TRNAU1AP: variants seen among roughly 807,000 people sequenced by gnomAD.
The protein encoded by TRNAU1AP is tRNA selenocysteine 1-associated protein 1.
Under a neutral mutation model 43.3 loss-of-function variants are expected in TRNAU1AP, and 33 were observed. The ratio of observed to expected loss-of-function variants is 0.76; its 90% CI spans 0.58 to 1.02. The LOEUF (loss-of-function observed/expected upper bound fraction) is 1.02, where lower values mean the gene tolerates loss of function less well. Among genes scored for constraint, TRNAU1AP ranks in the 50% least tolerant of loss-of-function variants. The pLI, the probability that TRNAU1AP is intolerant of heterozygous loss-of-function variation, is 0.00. For synonymous variants in TRNAU1AP, 143 were observed against 129.1 expected, an observed-to-expected ratio of 1.11 and a Z score of -0.73; for missense variants, 290 against 362.7, an observed-to-expected ratio of 0.80 and a Z score of 1.63.
At chr1:28,574,483 G>T (rs1323196316) in intron 8 of TRNAU1AP, 1 of 152,186 alleles carries the variant, frequency 6.6e-6, no homozygotes, top group Non-Finnish European at 1.5e-5. Flanking sequence ...ACTTGGGGGA[G>T]GCTGAGGCAG....
Position 28,564,825 on chromosome 1 carries a change from G to T in TRNAU1AP, c.401G>T (p.Gly134Val). 1 of 1,614,054 alleles carries T rather than the reference G, an allele frequency of 6.2e-7. No individual in the cohort carries two copies. Among genetic ancestry groups the T allele is most frequent in the Non-Finnish European group, 8.5e-7 (1 of 1,179,992 alleles). ...GGCAAGGTGGTTTTGGACCAGACAG[G>T]CGTGTCTAAGTAAGGCCTTACTTGT... is the stretch of plus-strand genomic sequence containing the variant. The part of the protein sequence containing the change: ...RGGKVVLDQT[G>V]VSKGYGFVKF... The change falls in exon 5 of 9, where the codon GGC (glycine) becomes GTC (valine). Residue 134 changes from glycine (G) to valine (V), a missense_variant. Gly to Val is a moderately radical substitution (Grantham distance 109). Coordinates refer to ENST00000373830, the MANE Select transcript of TRNAU1AP (RefSeq NM_017846.5).
chr1:28,573,933 G>A (rs898910029), intron 8 of TRNAU1AP, among the ~76,000 whole-genome samples: 7 of 150,652 alleles, frequency 4.6e-5, no homozygotes, highest in Middle Eastern at 3.2e-3. Flanking sequence ...GTGAAACTCC[G>A]TCTCAAAAAA....
At chr1:28,553,851 T>C (rs777688421) in intron 2 of TRNAU1AP, 114 bp downstream of exon 2, 148 of 937,542 alleles carry the variant, frequency 1.6e-4, no homozygotes, top group Non-Finnish European at 2.4e-4. Context: ...ACTGTAAAAT[T>C]ATAACAGCTA....
chr1:28,562,899 T>G (rs923687958), intron 4 of TRNAU1AP, among the ~76,000 whole-genome samples: 1 of 139,750 alleles, frequency 7.2e-6, no homozygotes, highest in African/African-American at 2.6e-5. Flanking sequence ...TGTGTATTCT[T>G]TTTTTTTTTT....
At chr1:28,569,120 T>C (rs1319365854) in intron 6 of TRNAU1AP, among the ~76,000 whole-genome samples, 1 of 152,046 alleles carries the variant, frequency 6.6e-6, no homozygotes, top group Non-Finnish European at 1.5e-5. Context: ...CAAATAGCCA[T>C]GTTTTTGAAA....
chr1:28,567,221 A>G, intron 5 of TRNAU1AP, 73 bp from the exon 6 acceptor site: 1 of 1,528,132 alleles, frequency 6.5e-7, no homozygotes. Context: ...TCTTATCCTT[A>G]CTTCTTTTTC....
At chr1:28,568,095 C>T (rs1199190447) in intron 6 of TRNAU1AP, among the ~76,000 whole-genome samples, 1 of 152,184 alleles carries the variant, frequency 6.6e-6, no homozygotes, top group South Asian at 2.1e-4. Flanking sequence ...ACCTGGGTGG[C>T]GGAGGTTGCA....
chr1:28,553,430 G>A (rs1285215383), intron 1 of TRNAU1AP: 1 of 622,296 alleles, frequency 1.6e-6, no homozygotes, highest in Non-Finnish European at 2.9e-6. Flanking sequence ...CCGGAGGAGT[G>A]GGGTTTCTAG....
intron 2 of TRNAU1AP, among the ~76,000 whole-genome samples, chr1:28,559,501 G>A (rs1188010365): frequency 6.6e-6 from 1 of 151,888 alleles, no homozygotes; most frequent in Non-Finnish European, 1.5e-5. Flanking sequence ...GGTGGCGCAT[G>A]CCTGTAATTC....
Position 28,577,488 on chromosome 1 carries a change from C to A in TRNAU1AP, c.728-12C>A. 4 of 1,613,120 alleles carry A rather than the reference C, an allele frequency of 2.5e-6. No homozygotes were observed. Among genetic ancestry groups the A allele is most frequent in the Non-Finnish European group, 3.4e-6 (4 of 1,179,484 alleles). On this transcript the variant is annotated splice_polypyrimidine_tract_variant and intron_variant, in intron 8 of 8. Coordinates refer to ENST00000373830, the MANE Select transcript of TRNAU1AP (RefSeq NM_017846.5). ...CTAGACTTCCCTGACCCCATCCTTG[C>A]TTGCTTTCCAGACCCCATGCCACAG...
At chr1:28,576,930 G>T (rs976639585) in intron 8 of TRNAU1AP, among the ~76,000 whole-genome samples, 1 of 152,180 alleles carries the variant, frequency 6.6e-6, no homozygotes, top group Non-Finnish European at 1.5e-5. Flanking sequence ...ACCAGGGACA[G>T]GGACTCATGC....
intron 2 of TRNAU1AP, among the ~76,000 whole-genome samples, chr1:28,559,989 A>G (rs764138868): frequency 6.6e-6 from 1 of 151,822 alleles, no homozygotes; most frequent in Non-Finnish European, 1.5e-5. Context: ...AAAATTAGCC[A>G]GGCATGGTGG....
chr1:28,555,046 T>C (rs1665228195), intron 2 of TRNAU1AP, among the ~76,000 whole-genome samples: 1 of 151,734 alleles, frequency 6.6e-6, no homozygotes, highest in East Asian at 1.9e-4. Context: ...GAGACCAGCC[T>C]GACCAACATG....
chr1:28,567,440 A>G (rs776780738), intron 6 of TRNAU1AP, 27 bp downstream of exon 6: 2 of 1,571,902 alleles, frequency 1.3e-6, no homozygotes, highest in Non-Finnish European at 1.7e-6. Context: ...AGGTAGAGAG[A>G]CTCTAGACTC....
Position 28,577,813 on chromosome 1 carries a change from C to G in TRNAU1AP, c.*177C>G. The G allele has an allele frequency of 1.5e-6, 1 of 678,894 alleles. No homozygotes were observed. The highest frequency in any genetic ancestry group is 2.4e-6 in the Non-Finnish European group (1 of 419,438). 42.1% of individuals were successfully genotyped at this position (678,894 alleles called of 1,614,324 possible). A position where few individuals can be genotyped will look rare whatever the true frequency, so the allele number is the denominator to read the frequency against. On this transcript the variant is annotated 3_prime_UTR_variant, in exon 9 of 9. Coordinates refer to ENST00000373830, the MANE Select transcript of TRNAU1AP (RefSeq NM_017846.5). The stretch of plus-strand genomic sequence containing the variant: ...CATTTGACCATTTGAGTTTGAAGAC[C>G]AAGGGAACAACTTTTAAACAAGGTT...
intron 8 of TRNAU1AP, 35 bp from the exon 9 acceptor site, chr1:28,577,465 A>G (rs200818272): frequency 2.5e-6 from 4 of 1,609,738 alleles, no homozygotes; most frequent in Non-Finnish European, 3.4e-6. Flanking sequence ...AGCTGTCCCT[A>G]GACTTCCCTG....
intron 2 of TRNAU1AP, among the ~76,000 whole-genome samples, chr1:28,556,009 AC>A (rs368532197): frequency 6.7e-4 from 102 of 151,998 alleles, no homozygotes; most frequent in African/African-American, 2.1e-3. Context: ...GCCCGCCACC[AC>A]GCCAGGCTAA....
At chr1:28,555,999 G>A (rs1200622704) in intron 2 of TRNAU1AP, among the ~76,000 whole-genome samples, 8 of 152,020 alleles carry the variant, frequency 5.3e-5, no homozygotes, top group African/African-American at 1.2e-4. Flanking sequence ...GACTACAGGC[G>A]CCCGCCACCA....
chr1:28,576,801 G>T (rs1665795147), intron 8 of TRNAU1AP, among the ~76,000 whole-genome samples: 1 of 152,196 alleles, frequency 6.6e-6, no homozygotes, highest in Non-Finnish European at 1.5e-5. Flanking sequence ...ATTTCTCCAT[G>T]TTGGTCAGGC....
Sources: allele counts gnomAD v4.1 joint callset (sites outside exome capture counted in the v4.1 genomes callset), GRCh38; gene constraint gnomAD v4.1.1; transcripts MANE v1.5; gene names NCBI Gene and HGNC (gene_info 2026-07-23, HGNC 2026-07-21).